HEATR4: variants seen among roughly 807,000 people sequenced by gnomAD.
The protein encoded by HEATR4 is HEAT repeat containing 4, also known as HEAT repeat-containing protein 4.
HEATR4 carries 95 observed loss-of-function variants against 108.8 expected under a neutral mutation model. The observed-to-expected ratio is 0.87, with a 90% CI of 0.74 to 1.04. HEATR4 has a LOEUF of 1.04. HEATR4 is among the 50% of genes least tolerant of loss of function. The pLI, the probability that HEATR4 is intolerant of heterozygous loss-of-function variation, is 0.00. For synonymous variants in HEATR4, 443 were observed against 459.4 expected (o/e 0.96, Z 0.46); for missense variants, 1,152 against 1,253.8 (o/e 0.92, Z 1.23).
chr14:73,592,795 G>A, the HEATR4 span, among the ~76,000 whole-genome samples: 3 of 152,204 alleles, frequency 2.0e-5, no homozygotes, highest in Admixed American at 2.0e-4. Flanking sequence ...GGAGGTTGCA[G>A]TGAGCCGAGA....
intron 11 of HEATR4, among the ~76,000 whole-genome samples, chr14:73,502,502 G>A (rs576955439): frequency 3.3e-5 from 5 of 151,848 alleles, no homozygotes; most frequent in African/African-American, 7.3e-5. Flanking sequence ...TCCAGGGTCC[G>A]TACAGAGGAG....
upstream of HEATR4, among the ~76,000 whole-genome samples, chr14:73,562,830 T>A (rs1454864899): frequency 1.3e-5 from 2 of 152,036 alleles, no homozygotes; most frequent in East Asian, 3.8e-4. Flanking sequence ...CCCCGTTTTC[T>A]GTTGTTTAAG....
intron 14 of HEATR4, among the ~76,000 whole-genome samples, chr14:73,497,704 G>A (rs1013089186): frequency 6.6e-6 from 1 of 151,748 alleles, no homozygotes; most frequent in Non-Finnish European, 1.5e-5. Context: ...TCGGCTCACC[G>A]CAACCTCCAC....
chr14:73,512,295 G>T, intron 6 of HEATR4, 146 bp from the exon 7 acceptor site: 1 of 863,498 alleles, frequency 1.2e-6, no homozygotes, highest in Non-Finnish European at 1.7e-6. Context: ...CAGAGATGGG[G>T]TCTTTAGGGA....
At chr14:73,584,689 A>C in the HEATR4 span, among the ~76,000 whole-genome samples, 1 of 146,264 alleles carries the variant, frequency 6.8e-6, no homozygotes, top group Non-Finnish European at 1.5e-5. Context: ...CCCAGGCTCC[A>C]AGCTCAGAGG....
the HEATR4 span, among the ~76,000 whole-genome samples, chr14:73,585,050 T>C: frequency 0.028 from 4,210 of 149,566 alleles, 161 homozygotes; most frequent in East Asian, 0.2. Context: ...CTGAGGCCCC[T>C]GACCTGGGTG....
At chr14:73,574,872 A>T in the HEATR4 span, 1 of 1,613,254 alleles carries the variant, frequency 6.2e-7, no homozygotes, top group African/African-American at 1.3e-5. Context: ...TGTTTGTGGA[A>T]TCATTCTTCT....
chr14:73,586,084 T>G, the HEATR4 span, among the ~76,000 whole-genome samples: 34 of 151,860 alleles, frequency 2.2e-4, 1 homozygote, highest in East Asian at 6.2e-3. Context: ...AAAACATTTA[T>G]TTTTTATTTT....
chr14:73,583,237 A>C, the HEATR4 span, among the ~76,000 whole-genome samples: 1 of 151,514 alleles, frequency 6.6e-6, no homozygotes, highest in Non-Finnish European at 1.5e-5. Context: ...ACCTACTTGG[A>C]GGTTGAGAGG....
In HEATR4 at chr14:73,478,645, G is replaced by A; in HGVS notation, c.3042C>T (p.Ile1014=). The A allele has an allele frequency of 1.2e-6, 2 of 1,613,786 alleles. No homozygotes were observed. Among genetic ancestry groups the A allele is most frequent in the South Asian group, 1.1e-5 (1 of 91,064 alleles). The change falls in exon 18 of 18, where the codon ATC becomes ATT. Residue 1014 remains isoleucine, a synonymous_variant. Transcript: ENST00000553558. ...CTTTCTTTCCAGAGGGAGAAGACAT[G>A]ATGGGAGAAAAAAATGTTCTCTCTG... ...KFSERTFFSP[I]MSSPSGKKGA...
the HEATR4 span, chr14:73,619,502 C>T: frequency 1.2e-6 from 2 of 1,614,090 alleles, no homozygotes; most frequent in African/African-American, 2.7e-5. Flanking sequence ...AGTCTTGTTC[C>T]ATTGGAAAAG....
chr14:73,591,302 C>G, the HEATR4 span, among the ~76,000 whole-genome samples: 1 of 152,070 alleles, frequency 6.6e-6, no homozygotes, highest in African/African-American at 2.4e-5. Flanking sequence ...ATCCCTAGCA[C>G]TTTGGGAGGC....
intron 7 of HEATR4, among the ~76,000 whole-genome samples, 184 bp downstream of exon 7, chr14:73,511,822 T>C (rs760507798): frequency 6.6e-6 from 1 of 152,218 alleles, no homozygotes; most frequent in Non-Finnish European, 1.5e-5. Flanking sequence ...ATTACTGGAC[T>C]AGAAGTCTGG....
the HEATR4 span, among the ~76,000 whole-genome samples, chr14:73,603,249 G>A: frequency 5.3e-5 from 8 of 152,210 alleles, no homozygotes; most frequent in African/African-American, 1.7e-4. Context: ...CAAAGAAGCA[G>A]TTTATGACCT....
the HEATR4 span, chr14:73,567,610 T>C: frequency 2.0e-5 from 3 of 152,126 alleles, no homozygotes; most frequent in African/African-American, 7.2e-5. Context: ...TCACCCCAGC[T>C]AGTAGTGGTA....
chr14:73,505,035 G>A (rs926059490), intron 10 of HEATR4, among the ~76,000 whole-genome samples: 3 of 151,102 alleles, frequency 2.0e-5, no homozygotes, highest in African/African-American at 4.9e-5. Context: ...AGGTTTAAGC[G>A]ATTCTCCTGC....
the HEATR4 span, among the ~76,000 whole-genome samples, chr14:73,591,138 T>G: frequency 6.6e-6 from 1 of 151,950 alleles, no homozygotes; most frequent in Admixed American, 6.6e-5. Flanking sequence ...TCACAGCTAC[T>G]CCGAAGGCTG....
chr14:73,515,294 T>G (rs1052312922), intron 5 of HEATR4, among the ~76,000 whole-genome samples: 1 of 152,170 alleles, frequency 6.6e-6, no homozygotes, highest in Admixed American at 6.5e-5. Flanking sequence ...TTCCAAGATT[T>G]CATTCTGACT....
At chr14:73,490,949 G>C (rs1403220718) in intron 17 of HEATR4, 26 of 1,283,090 alleles carry the variant, frequency 2.0e-5, no homozygotes, top group Non-Finnish European at 2.4e-5. Context: ...CACCGCAGCC[G>C]CTGCATTCAG....
Sources: gnomAD v4.1 joint callset for allele counts (sites outside exome capture counted in the v4.1 genomes callset) on GRCh38, gnomAD v4.1.1 for gene constraint, MANE v1.5 for transcripts, NCBI Gene and HGNC (gene_info 2026-07-23, HGNC 2026-07-21) for gene names.